MYO1E: variants seen among roughly 807,000 people sequenced by gnomAD.
MYO1E encodes unconventional myosin-Ie.
In MYO1E, 68 loss-of-function variants were observed where a neutral mutation model predicts 151.1. That is an observed-to-expected ratio of 0.45 (90% CI 0.37 to 0.55). The LOEUF (loss-of-function observed/expected upper bound fraction) is 0.55, where lower values mean the gene tolerates loss of function less well. Ranked by LOEUF, MYO1E falls within the 20% of genes least tolerant of loss-of-function variation. MYO1E has a pLI of 0.00. For missense variants in MYO1E, 1,363 were observed against 1,389.3 expected, an observed-to-expected ratio of 0.98 and a Z score of 0.30; for synonymous variants, 601 against 501.7, an observed-to-expected ratio of 1.20 and a Z score of -2.64.
At chr15:59,157,588 C>T (rs1433407503) in intron 25 of MYO1E, among the ~76,000 whole-genome samples, 2 of 151,926 alleles carry the variant, frequency 1.3e-5, no homozygotes, top group African/African-American at 4.9e-5. Flanking sequence ...GTGTGTGCTA[C>T]CCCATCATCA....
chr15:59,167,734 T>C (rs2079570422), intron 22 of MYO1E, among the ~76,000 whole-genome samples: 1 of 152,212 alleles, frequency 6.6e-6, no homozygotes, highest in Non-Finnish European at 1.5e-5. Context: ...TGGAGTGCAG[T>C]GGTGTGATCT....
Position 59,221,090 on chromosome 15 carries a change from C to G in MYO1E, c.910+1969G>C, listed in dbSNP as rs144252134. ...TTTCCCTTTTTGAGATGGAGACTCG[C>G]TCGTTGCCCAGGGTTCAAACGATTC... On this transcript the variant is annotated intron_variant, in intron 9 of 27. Coordinates refer to ENST00000288235, the MANE Select transcript of MYO1E (RefSeq NM_004998.4). Among the ~76,000 whole-genome samples the G allele has an allele frequency of 4.9e-3, 726 of 149,098 alleles. 5 individuals carry two copies. The highest frequency in any genetic ancestry group is 0.017 in the African/African-American group (706 of 40,566).
chr15:59,214,091 T>C (rs917764110), intron 12 of MYO1E, 137 bp downstream of exon 12: 12 of 688,020 alleles, frequency 1.7e-5, no homozygotes, highest in Non-Finnish European at 2.9e-5. Flanking sequence ...GCATATGGTT[T>C]TTCTGCCTGA....
At chr15:59,251,378 G>A (rs1210539521) in intron 4 of MYO1E, among the ~76,000 whole-genome samples, 1 of 152,070 alleles carries the variant, frequency 6.6e-6, no homozygotes. Context: ...CAAAAAGTCA[G>A]TGTCATGAAA....
At chr15:59,186,498 G>A (rs540892349) in intron 18 of MYO1E, among the ~76,000 whole-genome samples, 4 of 152,226 alleles carry the variant, frequency 2.6e-5, no homozygotes, top group East Asian at 3.9e-4. Flanking sequence ...CGGTGTGGTC[G>A]CTCGTGCTGA....
chr15:59,327,772 T>A (rs553072325), intron 1 of MYO1E, among the ~76,000 whole-genome samples: 3 of 152,154 alleles, frequency 2.0e-5, no homozygotes, highest in Non-Finnish European at 4.4e-5. Flanking sequence ...GGGGCAAAGC[T>A]GTCAGATTCG....
chr15:59,276,952 A>AATG (rs1466740386), intron 1 of MYO1E, among the ~76,000 whole-genome samples: 1 of 152,208 alleles, frequency 6.6e-6, no homozygotes. Context: ...ACACTTCATT[A>AATG]GTGTCCCAGG....
chr15:59,327,991 A>G (rs1428885768), intron 1 of MYO1E, among the ~76,000 whole-genome samples: 5 of 152,306 alleles, frequency 3.3e-5, no homozygotes, highest in African/African-American at 1.2e-4. Flanking sequence ...CTGTGTTAAA[A>G]GAGGAGATGG....
chr15:59,358,009 T>C lies in MYO1E; in HGVS notation c.3+14489A>G, dbSNP rs562488365. Among the ~76,000 whole-genome samples, 25 of 152,298 alleles carry C rather than the reference T, an allele frequency of 1.6e-4. No individual in the cohort carries two copies. The South Asian group carries it at 5.0e-3, about 30-fold the overall frequency. Reference sequence around the variant, plus strand: ...AATGTCACAATTCACTACATCTTAATTGGAGCATATAAAATTCACTTTTGT... The same window carrying C: ...AATGTCACAATTCACTACATCTTAACTGGAGCATATAAAATTCACTTTTGT... On this transcript the variant is annotated intron_variant, in intron 1 of 27. Transcript: ENST00000288235.
chr15:59,157,921 T>C (rs535799817), intron 25 of MYO1E, among the ~76,000 whole-genome samples: 25 of 152,244 alleles, frequency 1.6e-4, no homozygotes, highest in Non-Finnish European at 3.2e-4. Context: ...GTAGTGGTGG[T>C]GGGGTTAGAC....
At chr15:59,247,098 AG>A (rs1455228986) in intron 4 of MYO1E, among the ~76,000 whole-genome samples, 1 of 152,202 alleles carries the variant, frequency 6.6e-6, no homozygotes, top group Admixed American at 6.5e-5. Context: ...CGCGAGGCTG[AG>A]GTGGGAGGAT....
chr15:59,338,579 G>A (rs943157541), intron 1 of MYO1E, among the ~76,000 whole-genome samples: 12 of 152,112 alleles, frequency 7.9e-5, no homozygotes, highest in Admixed American at 7.2e-4. Context: ...CTGTCTCTAT[G>A]GGCTCTCAGG....
At chr15:59,151,040 C>CAGGGAAGAGGAGAGGG (rs2079472955) in intron 26 of MYO1E, among the ~76,000 whole-genome samples, 1 of 132,312 alleles carries the variant, frequency 7.6e-6, no homozygotes, top group Non-Finnish European at 1.5e-5. Context: ...CACACACACA[C>CAGGGAAGAGGAGAGGG]ACACACACAC....
At chr15:59,180,974 C>A (rs1378837767) in intron 18 of MYO1E, among the ~76,000 whole-genome samples, 1 of 152,190 alleles carries the variant, frequency 6.6e-6, no homozygotes, top group African/African-American at 2.4e-5. Flanking sequence ...CTGTTCCCTG[C>A]TCTTGTTATC....
chr15:59,335,887 G>C (rs138585882), intron 1 of MYO1E, among the ~76,000 whole-genome samples: 1 of 151,910 alleles, frequency 6.6e-6, no homozygotes. Flanking sequence ...GACTATAAGC[G>C]GTGCTGTCTG....
Position 59,309,988 on chromosome 15 carries a change from T to A in MYO1E, c.4-37539A>T, listed in dbSNP as rs554432836. Among the ~76,000 whole-genome samples the A allele has an allele frequency of 4.6e-5, 7 of 152,252 alleles. No individual in the cohort carries two copies. In the East Asian group the frequency reaches 1.3e-3, roughly 29 times the overall value. Reference sequence around the variant, plus strand: ...CCACCCCTCGACTACTCCCCTTTCCTCTCTGTTCTCACAGCCACTGCCTTA... The same window carrying A: ...CCACCCCTCGACTACTCCCCTTTCCACTCTGTTCTCACAGCCACTGCCTTA... On this transcript the variant is annotated intron_variant, in intron 1 of 27. Coordinates refer to ENST00000288235, the MANE Select transcript of MYO1E (RefSeq NM_004998.4).
chr15:59,299,696 G>A (rs904950358), intron 1 of MYO1E, among the ~76,000 whole-genome samples: 1 of 152,214 alleles, frequency 6.6e-6, no homozygotes, highest in Non-Finnish European at 1.5e-5. Flanking sequence ...TACCAGGTAA[G>A]CTGAGAAGAC....
chr15:59,190,336 T>C (rs2140327036), intron 17 of MYO1E, among the ~76,000 whole-genome samples: 1 of 152,322 alleles, frequency 6.6e-6, no homozygotes, highest in Non-Finnish European at 1.5e-5. Context: ...ACGGGGCTAA[T>C]GCGCTCAGCA....
chr15:59,152,540 C>G (rs1394103116), intron 26 of MYO1E, among the ~76,000 whole-genome samples: 1 of 152,156 alleles, frequency 6.6e-6, no homozygotes, highest in Admixed American at 6.6e-5. Context: ...CATGAAGTGA[C>G]GGGGGTCCTT....
Sources: gnomAD v4.1 joint callset for allele counts (sites outside exome capture counted in the v4.1 genomes callset) on GRCh38, gnomAD v4.1.1 for gene constraint, MANE v1.5 for transcripts, NCBI Gene and HGNC (gene_info 2026-07-23, HGNC 2026-07-21) for gene names.